STK32B: variants seen among roughly 807,000 people sequenced by gnomAD.
The protein encoded by STK32B is serine/threonine kinase 32B, also known as serine/threonine-protein kinase 32B.
A neutral mutation model predicts 52.6 loss-of-function variants in STK32B; 43 were observed. The ratio of observed to expected loss-of-function variants is 0.82; its 90% CI spans 0.64 to 1.05. The LOEUF (loss-of-function observed/expected upper bound fraction) is 1.05. STK32B is among the 50% of genes least tolerant of loss of function. The pLI is 0.00. For synonymous variants in STK32B, 238 were observed against 204.3 expected (o/e 1.17, Z -1.41); for missense variants, 621 against 534.6 (o/e 1.16, Z -1.59).
chr4:5,184,194 G>T (rs1204199116), intron 3 of STK32B, among the ~76,000 whole-genome samples: 1 of 152,078 alleles, frequency 6.6e-6, no homozygotes, highest in Non-Finnish European at 1.5e-5. Context: ...TAAATTGAGA[G>T]ACATAGGAAT....
At chr4:5,182,324 C>A (rs1021170596) in intron 3 of STK32B, among the ~76,000 whole-genome samples, 16 of 152,006 alleles carry the variant, frequency 1.1e-4, no homozygotes, top group African/African-American at 3.4e-4. Context: ...ATTTTGACCG[C>A]CCATGAATCA....
upstream of STK32B, among the ~76,000 whole-genome samples, chr4:5,047,242 A>C (rs1741636752): frequency 3.9e-5 from 6 of 152,140 alleles, no homozygotes; most frequent in South Asian, 1.2e-3. Flanking sequence ...ACAGAAACAG[A>C]AAACTAAACA....
the STK32B span, among the ~76,000 whole-genome samples, chr4:5,020,183 G>T: frequency 8.5e-5 from 13 of 152,336 alleles, no homozygotes; most frequent in African/African-American, 2.4e-4. Flanking sequence ...TTTTCAAGAA[G>T]TGCATCTCCC....
At chr4:5,109,167 A>C in intron 1 of STK32B, among the ~76,000 whole-genome samples, 1 of 152,226 alleles carries the variant, frequency 6.6e-6, no homozygotes, top group East Asian at 1.9e-4. Flanking sequence ...CTGACATCTC[A>C]GAATCTCAGG....
intron 4 of STK32B, among the ~76,000 whole-genome samples, chr4:5,342,206 A>G (rs1733129407): frequency 6.6e-6 from 1 of 152,142 alleles, no homozygotes. Context: ...CCAGGTATTT[A>G]CCCAAAGGTT....
chr4:5,367,786 C>G (rs6839122), intron 4 of STK32B, among the ~76,000 whole-genome samples: 1 of 152,142 alleles, frequency 6.6e-6, no homozygotes, highest in Non-Finnish European at 1.5e-5. Context: ...CTCTGCTGGA[C>G]AGCAGAGCCC....
At chr4:5,423,793 G>A (rs1015716015) in intron 6 of STK32B, among the ~76,000 whole-genome samples, 1 of 152,184 alleles carries the variant, frequency 6.6e-6, no homozygotes, top group African/African-American at 2.4e-5. Flanking sequence ...CAGAGGGGTG[G>A]TGGTGGTGAT....
At chr4:5,476,511 C>G (rs1718255058) in intron 11 of STK32B, among the ~76,000 whole-genome samples, 1 of 152,006 alleles carries the variant, frequency 6.6e-6, no homozygotes, top group Non-Finnish European at 1.5e-5. Context: ...CTTATGGGTC[C>G]TTAAAGTTGA....
At chr4:5,105,639 C>T (rs1258009175) in intron 1 of STK32B, among the ~76,000 whole-genome samples, 1 of 152,004 alleles carries the variant, frequency 6.6e-6, no homozygotes, top group Non-Finnish European at 1.5e-5. Context: ...TCTTGGCTCA[C>T]TGCAAGCTCC....
At chr4:5,255,320 A>C (rs1726221241) in intron 3 of STK32B, among the ~76,000 whole-genome samples, 1 of 152,232 alleles carries the variant, frequency 6.6e-6, no homozygotes, top group East Asian at 1.9e-4. Context: ...ATGTCTAAAA[A>C]GATGAATTGC....
intron 3 of STK32B, among the ~76,000 whole-genome samples, chr4:5,198,156 T>G (rs1420184709): frequency 1.2e-4 from 19 of 152,384 alleles, no homozygotes; most frequent in African/African-American, 4.3e-4. Flanking sequence ...CAATGGATAC[T>G]TCTCAAAGTT....
chr4:5,406,525 C>T (rs1737685914), intron 5 of STK32B, among the ~76,000 whole-genome samples: 1 of 152,156 alleles, frequency 6.6e-6, no homozygotes, highest in African/African-American at 2.4e-5. Context: ...CAGACTTCTA[C>T]CTGGACATCC....
chr4:5,076,183 A>C (rs937323738), intron 1 of STK32B, among the ~76,000 whole-genome samples: 1 of 152,210 alleles, frequency 6.6e-6, no homozygotes, highest in South Asian at 2.1e-4. Context: ...TTGGGGAAGC[A>C]TACTGTGCTG....
At chr4:5,436,511 T>C (rs528900786) in intron 6 of STK32B, 1 of 824,856 alleles carries the variant, frequency 1.2e-6, no homozygotes, top group Non-Finnish European at 1.5e-6. Flanking sequence ...GTCAGAAAAC[T>C]GACTCTCTGG....
intron 5 of STK32B, among the ~76,000 whole-genome samples, chr4:5,413,908 C>T (rs2109067053): frequency 6.6e-6 from 1 of 152,340 alleles, no homozygotes; most frequent in Admixed American, 6.5e-5. Flanking sequence ...ATAGTGCCAT[C>T]AATTATAACT....
chr4:5,493,138 A>C (rs1388855066), intron 11 of STK32B, among the ~76,000 whole-genome samples: 1 of 151,828 alleles, frequency 6.6e-6, no homozygotes, highest in African/African-American at 2.4e-5. Flanking sequence ...TGATTGGAAT[A>C]GTTTCAGAAG....
chr4:5,228,469 A>T (rs1336532607), intron 3 of STK32B, among the ~76,000 whole-genome samples: 2 of 152,218 alleles, frequency 1.3e-5, no homozygotes, highest in Non-Finnish European at 2.9e-5. Flanking sequence ...TGGATAGCTT[A>T]TCCTGAATAT....
intron 2 of STK32B, among the ~76,000 whole-genome samples, chr4:5,150,393 C>G (rs28887586): frequency 1.3e-5 from 2 of 151,992 alleles, no homozygotes; most frequent in South Asian, 4.2e-4. Context: ...AGGATGGGTC[C>G]CATTTTCCTG....
chr4:5,485,415 T>C (rs1036766331), intron 11 of STK32B, among the ~76,000 whole-genome samples: 1 of 152,238 alleles, frequency 6.6e-6, no homozygotes, highest in African/African-American at 2.4e-5. Context: ...CATGTAGTTC[T>C]CGTGCCATGG....
Sources: gnomAD v4.1 joint callset for allele counts (sites outside exome capture counted in the v4.1 genomes callset) on GRCh38, gnomAD v4.1.1 for gene constraint, MANE v1.5 for transcripts, NCBI Gene and HGNC (gene_info 2026-07-23, HGNC 2026-07-21) for gene names.